Variants in NME7 observed in about 807,000 individuals in gnomAD.
NME7 encodes the protein nucleoside diphosphate kinase 7.
Under a neutral mutation model 49.1 loss-of-function variants are expected in NME7, and 41 were observed. That is an observed-to-expected ratio of 0.83 (90% CI 0.65 to 1.08). The LOEUF (loss-of-function observed/expected upper bound fraction) is 1.08, where lower values mean the gene tolerates loss of function less well. Among genes scored for constraint, NME7 ranks in the 50% least tolerant of loss-of-function variants. The pLI is 0.00. For synonymous variants in NME7, 139 were observed against 150.6 expected, an observed-to-expected ratio of 0.92 and a Z score of 0.56; for missense variants, 423 against 463.4, an observed-to-expected ratio of 0.91 and a Z score of 0.80.
At chr1:169,285,164 A>C (rs1188219697) in intron 7 of NME7, 1 of 152,070 alleles carries the variant, frequency 6.6e-6, no homozygotes, top group African/African-American at 2.4e-5. Context: ...TGATTTTGAA[A>C]TATCTGTAGA....
chr1:169,231,302 G>A (rs2187963), intron 9 of NME7, among the ~76,000 whole-genome samples: 10,659 of 152,180 alleles, frequency 0.07, 1,488 homozygotes, highest in East Asian at 0.66. Context: ...ACTGGGTGAT[G>A]GGCAGCACAG....
At chr1:169,310,563 A>G (rs1368583119) in intron 3 of NME7, 1 of 153,138 alleles carries the variant, frequency 6.5e-6, no homozygotes, top group Admixed American at 6.5e-5. Context: ...GGGTGACTGC[A>G]TGAAGAATCA....
At chr1:169,202,593 A>G (rs1482951103) in intron 10 of NME7, among the ~76,000 whole-genome samples, 5 of 152,208 alleles carry the variant, frequency 3.3e-5, no homozygotes, top group Non-Finnish European at 4.4e-5. Context: ...AGTAAGGCCT[A>G]TAAAATTGTT....
chr1:169,215,742 G>A (rs201356965), intron 10 of NME7, among the ~76,000 whole-genome samples: 2 of 152,202 alleles, frequency 1.3e-5, no homozygotes, highest in East Asian at 3.8e-4. Flanking sequence ...TAAAGAAAAT[G>A]TGGTATACAT....
chr1:169,319,604 T>C (rs1651778825), intron 3 of NME7, among the ~76,000 whole-genome samples: 1 of 152,206 alleles, frequency 6.6e-6, no homozygotes, highest in African/African-American at 2.4e-5. Flanking sequence ...AAATGCATAC[T>C]GTGACTGAGT....
chr1:169,287,481 A>G lies in NME7; in HGVS notation c.649-73T>C, dbSNP rs923282974. 61 of 1,060,216 alleles carry G rather than the reference A, an allele frequency of 5.8e-5. No individual in the cohort carries two copies. The African/African-American group carries it at 9.1e-4, about 16-fold the overall frequency. 65.7% of individuals were successfully genotyped at this position (1,060,216 alleles called of 1,614,324 possible). A position where few individuals can be genotyped will look rare whatever the true frequency, so the allele number is the denominator to read the frequency against. On this transcript the variant is annotated intron_variant, in intron 6 of 11. Coordinates refer to ENST00000367811, the MANE Select transcript of NME7 (RefSeq NM_013330.5). ...AACTTACAAGATATTTCTGTGGGGG[A>G]GGAGAATCATGCAATTACTTTTAGA... is the stretch of plus-strand genomic sequence containing the variant.
At chr1:169,366,180 T>C (rs1362611565) in intron 1 of NME7, among the ~76,000 whole-genome samples, 1 of 152,172 alleles carries the variant, frequency 6.6e-6, no homozygotes, top group Non-Finnish European at 1.5e-5. Flanking sequence ...AAGAATGACA[T>C]TCAAAAACCA....
At chr1:169,217,517 C>A (rs1475423645) in intron 10 of NME7, among the ~76,000 whole-genome samples, 1 of 152,076 alleles carries the variant, frequency 6.6e-6, no homozygotes. Flanking sequence ...GATGTGGCTA[C>A]TAGAAAATTT....
At chr1:169,156,983 T>C (rs1571250468) in intron 11 of NME7, among the ~76,000 whole-genome samples, 1 of 152,226 alleles carries the variant, frequency 6.6e-6, no homozygotes, top group African/African-American at 2.4e-5. Context: ...GCTTTCCACA[T>C]GCACATATTT....
At chr1:169,254,441 G>C (rs1185545258) in intron 7 of NME7, among the ~76,000 whole-genome samples, 1 of 151,802 alleles carries the variant, frequency 6.6e-6, no homozygotes, top group Non-Finnish European at 1.5e-5. Context: ...GCGTCTATTA[G>C]ATTCTTCTCT....
chr1:169,247,000 A>G (rs1648347714), intron 7 of NME7: 1 of 455,862 alleles, frequency 2.2e-6, no homozygotes, highest in South Asian at 1.6e-5. Flanking sequence ...TCATAGGGAC[A>G]GCAGAGAAGA....
chr1:169,329,196 G>T (rs190236356), intron 1 of NME7, among the ~76,000 whole-genome samples: 1 of 150,920 alleles, frequency 6.6e-6, no homozygotes, highest in Non-Finnish European at 1.5e-5. Flanking sequence ...AAAAAAATCT[G>T]ATCTAATTTT....
intron 7 of NME7, chr1:169,246,996 G>C: frequency 4.4e-6 from 2 of 455,584 alleles, no homozygotes; most frequent in Non-Finnish European, 4.4e-6. Flanking sequence ...ACCATCATAG[G>C]GACAGCAGAG....
chr1:169,278,496 G>A (rs1053149790), intron 7 of NME7, among the ~76,000 whole-genome samples: 3 of 151,988 alleles, frequency 2.0e-5, no homozygotes, highest in Non-Finnish European at 2.9e-5. Context: ...TGAGGCTTCT[G>A]CATTCTTCAC....
intron 6 of NME7, among the ~76,000 whole-genome samples, chr1:169,289,974 T>G (rs1341375662): frequency 1.3e-5 from 2 of 152,026 alleles, no homozygotes; most frequent in African/African-American, 4.8e-5. Context: ...CTATTACTCT[T>G]GGCCTTTTAC....
At chr1:169,331,351 C>T (rs965303906) in intron 1 of NME7, among the ~76,000 whole-genome samples, 1 of 152,052 alleles carries the variant, frequency 6.6e-6, no homozygotes, top group Non-Finnish European at 1.5e-5. Context: ...ATATGACAGA[C>T]CCACAGCTAG....
chr1:169,248,501 T>A (rs969806396), intron 7 of NME7, among the ~76,000 whole-genome samples: 3 of 152,094 alleles, frequency 2.0e-5, no homozygotes, highest in Non-Finnish European at 4.4e-5. Flanking sequence ...TATTTATTTA[T>A]TTTTATTTTA....
intron 10 of NME7, among the ~76,000 whole-genome samples, chr1:169,200,397 G>T (rs10800412): frequency 1.3e-5 from 2 of 151,856 alleles, no homozygotes; most frequent in Non-Finnish European, 2.9e-5. Flanking sequence ...TAGCCAGTGA[G>T]GGTAAGAGAC....
At chr1:169,237,945 C>CTTT (rs745387710) in intron 7 of NME7, among the ~76,000 whole-genome samples, 79 of 151,924 alleles carry the variant, frequency 5.2e-4, no homozygotes, top group Non-Finnish European at 1.1e-3. Flanking sequence ...AATATTTTGC[C>CTTT]TTTAAAGCCC....
Sources: allele counts gnomAD v4.1 joint callset (sites outside exome capture counted in the v4.1 genomes callset), GRCh38; gene constraint gnomAD v4.1.1; transcripts MANE v1.5; gene names NCBI Gene and HGNC (gene_info 2026-07-23, HGNC 2026-07-21).